HERC1: variants seen among roughly 807,000 people sequenced by gnomAD.
The protein encoded by HERC1 is HECT and RLD domain containing E3 ubiquitin protein ligase family member 1.
A neutral mutation model predicts 554.3 loss-of-function variants in HERC1; 160 were observed. That is an observed-to-expected ratio of 0.29 (90% CI 0.25 to 0.33). The LOEUF is 0.33. Among genes scored for constraint, HERC1 ranks in the 10% least tolerant of loss-of-function variants. The probability of loss-of-function intolerance (pLI) is 1.00; values close to 1 mark genes in which losing one functional copy is unlikely to be tolerated. For missense variants in HERC1, 4,919 were observed against 5,918.5 expected (o/e 0.83, Z 5.54); for synonymous variants, 2,175 against 2,131.7 (o/e 1.02, Z -0.56).
chr15:63,696,185 C>T lies in HERC1; in HGVS notation c.5060G>A (p.Gly1687Asp). The change falls in exon 27 of 78, where the codon GGT (glycine) becomes GAT (aspartate). Residue 1687 changes from glycine to aspartate, a missense_variant. Physicochemically the swap from Gly to Asp is moderately conservative, Grantham distance 94 (BLOSUM62 -1). Coordinates refer to ENST00000443617, the MANE Select transcript of HERC1 (RefSeq NM_003922.4). Reference sequence around the variant, plus strand: ...TCCTGTGTGTCCAACAGTGCCTAAACCAAAACACCCTGCTAGGAACTGCAG... The same window carrying T: ...TCCTGTGTGTCCAACAGTGCCTAAATCAAAACACCCTGCTAGGAACTGCAG... Reference protein sequence around the residue: ...VRLQFLAGCFGLGTVGHTGGK... With the variant: ...VRLQFLAGCFDLGTVGHTGGK... 1 of 1,613,722 alleles carries T rather than the reference C, an allele frequency of 6.2e-7. No individual in the cohort carries two copies. Among genetic ancestry groups the T allele is most frequent in the African/African-American group, 1.3e-5 (1 of 75,032 alleles).
chr15:63,711,509 T>C (rs960945156), intron 24 of HERC1, among the ~76,000 whole-genome samples: 3 of 152,206 alleles, frequency 2.0e-5, no homozygotes, highest in African/African-American at 7.2e-5. Context: ...CAAAATGTCA[T>C]GATACAATGA....
Position 63,817,919 on chromosome 15 carries a change from G to A in HERC1, c.-27+15908C>T, listed in dbSNP as rs184030501. ...AAAAGATAAGAAAAAATGCTGTATG[G>A]GAATTGAATTATCATAGTATCTACC... On this transcript the variant is annotated intron_variant, in intron 1 of 77. Coordinates refer to ENST00000443617, the MANE Select transcript of HERC1 (RefSeq NM_003922.4). Among the ~76,000 whole-genome samples the A allele has an allele frequency of 2.3e-3, 353 of 151,862 alleles. 1 individual carries two copies. The highest frequency in any genetic ancestry group is 8.0e-3 in the African/African-American group (333 of 41,452).
At chr15:63,737,344 C>T (rs1362855589) in intron 12 of HERC1, among the ~76,000 whole-genome samples, 1 of 145,294 alleles carries the variant, frequency 6.9e-6, no homozygotes, top group East Asian at 2.0e-4. Flanking sequence ...CAACAAAACA[C>T]TTCCAGATAT....
rs143268967 is a variant in HERC1, at chr15:63,729,694, CTGAAAG to C, written c.2869-51_2869-46del. ...AAGTTTATATTTGAAGTGCTTGAAA[CTGAAAG>C]TAACAACCTACCATAAATCTGATTT... On this transcript the variant is annotated intron_variant, in intron 14 of 77. Transcript: ENST00000443617. 919 of 1,584,942 alleles carry C rather than the reference CTGAAAG, an allele frequency of 5.8e-4. 5 individuals are homozygous for C. The African/African-American group carries it at 0.011, about 19-fold the overall frequency.
intron 24 of HERC1, among the ~76,000 whole-genome samples, chr15:63,709,758 A>G (rs2073199781): frequency 6.6e-6 from 1 of 152,218 alleles, no homozygotes; most frequent in African/African-American, 2.4e-5. Context: ...AGGGGCATTT[A>G]GGAAAAATAA....
Position 63,771,889 on chromosome 15 carries a change from C to T in HERC1, c.930+2805G>A, listed in dbSNP as rs1038438334. On this transcript the variant is annotated intron_variant, in intron 2 of 77. Coordinates refer to ENST00000443617, the MANE Select transcript of HERC1 (RefSeq NM_003922.4). ...AGTAGAAAGAAAACTGGAAATCCAG[C>T]AGTTAAAAAAAAAATTATTTTAGAT... Among the ~76,000 whole-genome samples the T allele has an allele frequency of 9.9e-5, 15 of 151,936 alleles. No homozygotes were observed. In the East Asian group the frequency reaches 2.7e-3, roughly 27 times the overall value.
intron 1 of HERC1, among the ~76,000 whole-genome samples, chr15:63,806,466 C>A (rs149819842): frequency 3.3e-5 from 5 of 152,274 alleles, no homozygotes; most frequent in African/African-American, 1.2e-4. Flanking sequence ...GTACATTTAT[C>A]ATACTCTGCC....
At chr15:63,752,581 T>G (rs1270071982) in intron 8 of HERC1, 1 of 159,828 alleles carries the variant, frequency 6.3e-6, no homozygotes, top group Non-Finnish European at 1.4e-5. Flanking sequence ...AGTGTTCTCT[T>G]TACCCTCCTT....
At chr15:63,763,669 G>A (rs1012314105) in intron 3 of HERC1, among the ~76,000 whole-genome samples, 10 of 151,934 alleles carry the variant, frequency 6.6e-5, no homozygotes, top group Admixed American at 5.9e-4. Context: ...AGTGGTCAAA[G>A]TCACAATAGT....
Position 63,680,615 on chromosome 15 carries a change from G to T in HERC1, c.6387C>A (p.Ser2129=), listed in dbSNP as rs770231957. Residue 2129 remains serine, a synonymous_variant, in exon 35 of 78, where the codon TCC becomes TCA. Transcript: ENST00000443617. This position sits in a 1 kb window ranked among gnomAD's most constrained non-coding sequence, Gnocchi z 5.8. ...YHNGEQTLTL[S]SFTQGDFITC... is the part of the protein sequence containing the mutation. ...TAATGAAATCTCCTTGAGTAAAGCT[G>T]GACAATGTGAGAGTCTGTTCTCCAT... 2 of 1,613,558 alleles carry T rather than the reference G, an allele frequency of 1.2e-6. No homozygotes were observed. Among genetic ancestry groups the T allele is most frequent in the Non-Finnish European group, 1.7e-6 (2 of 1,179,574 alleles).
chr15:63,633,734 C>CT, intron 67 of HERC1, 114 bp downstream of exon 67: 2 of 1,125,298 alleles, frequency 1.8e-6, no homozygotes, highest in South Asian at 3.5e-5. Context: ...TTCTAAACTT[C>CT]ATTATGAACT....
In HERC1 at chr15:63,638,398, T is replaced by A. The variant is rs757609193; in HGVS notation, c.12093+13A>T. ...TCCCATGTTTCTTTTCTATTTTTTA[T>A]CCTGTTAGTTACCTGTTGGGCCTGT... On this transcript the variant is annotated intron_variant, in intron 63 of 77. Transcript: ENST00000443617. The A allele has an allele frequency of 6.2e-7, 1 of 1,606,248 alleles. No individual in the cohort carries two copies. The highest frequency in any genetic ancestry group is 1.1e-5 in the South Asian group (1 of 89,552).
At chr15:63,616,749 A>G in intron 74 of HERC1, 67 bp from the exon 75 acceptor site, 1 of 1,421,794 alleles carries the variant, frequency 7.0e-7, no homozygotes, top group Non-Finnish European at 9.8e-7. Context: ...AGTTAGCAAC[A>G]ACAGCTATAG....
At chr15:63,765,276 T>G (rs2075738883) in intron 2 of HERC1, among the ~76,000 whole-genome samples, 1 of 152,084 alleles carries the variant, frequency 6.6e-6, no homozygotes, top group Non-Finnish European at 1.5e-5. Flanking sequence ...CCAGCCTGCT[T>G]ACCCCCTTTA....
At chr15:63,800,569 C>T (rs1304576253) in intron 1 of HERC1, among the ~76,000 whole-genome samples, 2 of 152,194 alleles carry the variant, frequency 1.3e-5, no homozygotes, top group Non-Finnish European at 2.9e-5. Context: ...ATGTCACTTC[C>T]TCTGGGAAGG....
chr15:63,813,927 C>T (rs375753293), intron 1 of HERC1, among the ~76,000 whole-genome samples: 39 of 152,122 alleles, frequency 2.6e-4, no homozygotes, highest in African/African-American at 9.2e-4. Flanking sequence ...GGCATGGTGG[C>T]GGGTGCCAGT....
At chr15:63,650,418 T>A (rs2069609683) in intron 53 of HERC1, among the ~76,000 whole-genome samples, 1 of 140,088 alleles carries the variant, frequency 7.1e-6, no homozygotes, top group Admixed American at 7.1e-5. Flanking sequence ...TTCTGTAACC[T>A]TTTTTTTTTT....
chr15:63,654,101 T>C lies in HERC1; in HGVS notation c.10290+18A>G. The stretch of plus-strand genomic sequence containing the variant: ...CTTACATAACGTGATTAACACACTT[T>C]CCACTCAAAATACTTACTCTGTTCT... On this transcript the variant is annotated intron_variant, in intron 51 of 77. Transcript: ENST00000443617. 6.3e-7 allele frequency: 1 copy of C among 1,585,858 alleles called. No homozygotes were observed. Among genetic ancestry groups the C allele is most frequent in the South Asian group, 1.1e-5 (1 of 90,568 alleles).
chr15:63,675,427 GCA>G (rs1213610775), intron 37 of HERC1, among the ~76,000 whole-genome samples: 12 of 152,146 alleles, frequency 7.9e-5, no homozygotes, highest in Non-Finnish European at 1.6e-4. Context: ...ACTCTGCAGG[GCA>G]CACAGTCTCA....
Sources: gnomAD v4.1 joint callset for allele counts (sites outside exome capture counted in the v4.1 genomes callset) on GRCh38, gnomAD v4.1.1 for gene constraint, Gnocchi (gnomAD v3.1) non-coding constraint, MANE v1.5 for transcripts, NCBI Gene and HGNC (gene_info 2026-07-23, HGNC 2026-07-21) for gene names.